TBC1D31: variants seen among roughly 807,000 people sequenced by gnomAD.
TBC1D31 encodes WD repeat domain 67.
Under a neutral mutation model 132.9 loss-of-function variants are expected in TBC1D31, and 99 were observed. The ratio of observed to expected loss-of-function variants is 0.74; its 90% CI spans 0.63 to 0.88. The LOEUF (loss-of-function observed/expected upper bound fraction) is 0.88. Among genes scored for constraint, TBC1D31 ranks in the 40% least tolerant of loss-of-function variants. The probability of loss-of-function intolerance (pLI) is 0.00; values close to 1 mark genes in which losing one functional copy is unlikely to be tolerated. For synonymous variants in TBC1D31, 385 were observed against 419.4 expected (o/e 0.92, Z 1.00); for missense variants, 1,134 against 1,256.6 (o/e 0.90, Z 1.48).
chr8:123,089,829 G>T (rs1816157747), intron 4 of TBC1D31, among the ~76,000 whole-genome samples: 2 of 152,208 alleles, frequency 1.3e-5, no homozygotes, highest in South Asian at 4.1e-4. Flanking sequence ...CAATTCATTT[G>T]GCAGCAAAAT....
At position 123,100,932 on chromosome 8, in the gene TBC1D31, G is replaced by A. The variant is rs552396716; in HGVS notation, c.957G>A (p.Arg319=). ...CATCAGCAATTAGCCCACATGGACG[G>A]TACATTGCATCTATTATGGAAAATG... ...ISSSAISPHG[R]YIASIMENGS... The change falls in exon 7 of 22, where the codon CGG becomes CGA. Residue 319 remains arginine (R), a synonymous_variant. Transcript: ENST00000287380. 37 of 1,613,972 alleles carry A rather than the reference G, an allele frequency of 2.3e-5. No individual in the cohort carries two copies. In the South Asian group the frequency reaches 3.7e-4, roughly 16 times the overall value.
At chr8:123,157,321 G>A in the TBC1D31 span, among the ~76,000 whole-genome samples, 4,891 of 152,194 alleles carry the variant, frequency 0.032, 264 homozygotes, top group African/African-American at 0.11. Flanking sequence ...AGGGTTTCCG[G>A]ACGGATCATT....
At chr8:123,121,462 A>G (rs1160734109) in intron 11 of TBC1D31, among the ~76,000 whole-genome samples, 1 of 152,084 alleles carries the variant, frequency 6.6e-6, no homozygotes, top group East Asian at 1.9e-4. Context: ...GGTGGGGCCT[A>G]GTGGGAGGTA....
Position 123,142,448 on chromosome 8 carries a change from G to A in TBC1D31, c.2827G>A (p.Ala943Thr). ...AATAAATGCAATGGTGGAGGAGGAA[G>A]CCAAGAAGGTAAAAAATAGTGTTAT... is the stretch of plus-strand genomic sequence containing the variant. ...EIINAMVEEE[A>T]KKWKEAEGKE... Residue 943 changes from alanine to threonine, a missense_variant, in exon 19 of 22, where the codon GCC (alanine) becomes ACC (threonine). Ala to Thr is a moderately conservative substitution (Grantham distance 58). Transcript: ENST00000287380. The A allele has an allele frequency of 6.4e-7, 1 of 1,552,188 alleles. No individual in the cohort carries two copies. The highest frequency in any genetic ancestry group is 1.2e-5 in the South Asian group (1 of 80,932).
chr8:123,128,304 C>T lies in TBC1D31; in HGVS notation c.1908C>T (p.Asn636=). The part of the protein sequence containing the change: ...DFEFFFHHRN[N]LDINVVIRQV... ...AGTTTTTTTTTCACCATCGGAATAA[C>T]CTGGATATAAATGTTGTGATTAGAC... The change falls in exon 14 of 22, where the codon AAC becomes AAT. Residue 636 remains asparagine (N), a synonymous_variant. Coordinates refer to ENST00000287380, the MANE Select transcript of TBC1D31 (RefSeq NM_145647.4). 4 of 1,607,042 alleles carry T rather than the reference C, an allele frequency of 2.5e-6. No individual in the cohort carries two copies. The highest frequency in any genetic ancestry group is 3.4e-6 in the Non-Finnish European group (4 of 1,174,822).
intron 9 of TBC1D31, 26 bp downstream of exon 9, chr8:123,109,422 A>G: frequency 1.2e-6 from 2 of 1,608,424 alleles, no homozygotes; most frequent in Non-Finnish European, 1.7e-6. Context: ...TGTATGTTAC[A>G]TCAGTTTTAC....
At chr8:123,088,531 A>G (rs1816009802) in intron 4 of TBC1D31, among the ~76,000 whole-genome samples, 1 of 152,222 alleles carries the variant, frequency 6.6e-6, no homozygotes, top group Admixed American at 6.5e-5. Context: ...CTTAATATTA[A>G]AGTAAAACGT....
chr8:123,081,839 A>G (rs1255673033), intron 2 of TBC1D31, among the ~76,000 whole-genome samples: 1 of 151,536 alleles, frequency 6.6e-6, no homozygotes, highest in African/African-American at 2.4e-5. Flanking sequence ...TGTGGGGGAA[A>G]CTGCCCCCGT....
intron 4 of TBC1D31, among the ~76,000 whole-genome samples, chr8:123,086,539 G>A (rs1207551065): frequency 6.6e-6 from 1 of 151,998 alleles, no homozygotes; most frequent in East Asian, 1.9e-4. Context: ...CCACCCTTTT[G>A]GTAGTGCCCC....
the TBC1D31 span, among the ~76,000 whole-genome samples, chr8:123,157,623 C>G: frequency 6.6e-6 from 1 of 152,178 alleles, no homozygotes; most frequent in African/African-American, 2.4e-5. Context: ...GTGTTCCCGG[C>G]CCTGTGCTGG....
chr8:123,084,154 T>A lies in TBC1D31; in HGVS notation c.341-8T>A, dbSNP rs373107614. The A allele has an allele frequency of 4.3e-6, 7 of 1,613,360 alleles. No homozygotes were observed. The highest frequency in any genetic ancestry group is 5.9e-6 in the Non-Finnish European group (7 of 1,179,704). On this transcript the variant is annotated splice_region_variant and splice_polypyrimidine_tract_variant and intron_variant, in intron 3 of 21. Transcript: ENST00000287380. ...TTACCTGGGTAACAATTTTACTTTTTACCACAGTCACCAAGGAGCTAGTTA... is the reference window on the plus strand; with the variant it reads ...TTACCTGGGTAACAATTTTACTTTTAACCACAGTCACCAAGGAGCTAGTTA...
Position 123,100,991 on chromosome 8 carries a change from C to T in TBC1D31, c.1016C>T (p.Thr339Ile). The change falls in exon 7 of 22, where the codon ACA becomes ATA. Residue 339 changes from threonine to isoleucine, a missense_variant. Physicochemically the swap from Thr to Ile is moderately conservative, Grantham distance 89. Coordinates refer to ENST00000287380, the MANE Select transcript of TBC1D31 (RefSeq NM_145647.4). ...AACATATATTCAGTTCAGGCTTTAA[C>T]ACAAGAAATAAATAAGGTATGTATG... ...SLNIYSVQAL[T>I]QEINKPPPPL... 3 of 1,611,334 alleles carry T rather than the reference C, an allele frequency of 1.9e-6. No homozygotes were observed. Among genetic ancestry groups the T allele is most frequent in the Non-Finnish European group, 2.5e-6 (3 of 1,177,568 alleles).
intron 17 of TBC1D31, among the ~76,000 whole-genome samples, chr8:123,140,280 T>C (rs1053406490): frequency 7.2e-5 from 11 of 152,170 alleles, no homozygotes; most frequent in African/African-American, 2.2e-4. Flanking sequence ...GAGAATCACT[T>C]GAACCCGGGA....
chr8:123,085,937 C>G (rs778154264), intron 4 of TBC1D31, among the ~76,000 whole-genome samples: 2 of 152,340 alleles, frequency 1.3e-5, no homozygotes, highest in African/African-American at 2.4e-5. Flanking sequence ...TTTTAACAGA[C>G]AAGCCACATA....
At chr8:123,079,131 A>G (rs1814857359) in intron 2 of TBC1D31, among the ~76,000 whole-genome samples, 1 of 152,194 alleles carries the variant, frequency 6.6e-6, no homozygotes, top group Non-Finnish European at 1.5e-5. Flanking sequence ...GGACAAGATC[A>G]TGCAAGTTGG....
chr8:123,073,371 C>A (rs575514145), intron 1 of TBC1D31: 1 of 456,314 alleles, frequency 2.2e-6, no homozygotes, highest in South Asian at 1.5e-5. Context: ...CGCCTCTAAG[C>A]GCTGGGGACG....
chr8:123,163,165 T>C, the TBC1D31 span, among the ~76,000 whole-genome samples: 1,918 of 151,912 alleles, frequency 0.013, 36 homozygotes, highest in African/African-American at 0.042. Flanking sequence ...CAGTTTTATA[T>C]ATACTCGGCC....
At chr8:123,075,667 C>T (rs1814431748) in intron 1 of TBC1D31, among the ~76,000 whole-genome samples, 1 of 151,628 alleles carries the variant, frequency 6.6e-6, no homozygotes, top group African/African-American at 2.4e-5. Flanking sequence ...TGCACCACTG[C>T]ACTCTAGCCT....
At chr8:123,084,858 C>T (rs1815556526) in intron 4 of TBC1D31, among the ~76,000 whole-genome samples, 1 of 151,796 alleles carries the variant, frequency 6.6e-6, no homozygotes, top group Non-Finnish European at 1.5e-5. Context: ...GGCATGATCT[C>T]AACTTACTGT....
Sources: gnomAD v4.1 joint callset for allele counts (sites outside exome capture counted in the v4.1 genomes callset) on GRCh38, gnomAD v4.1.1 for gene constraint, MANE v1.5 for transcripts, NCBI Gene and HGNC (gene_info 2026-07-23, HGNC 2026-07-21) for gene names.